Variants in DLG2 observed in about 807,000 individuals in gnomAD.
The protein encoded by DLG2 is disks large homolog 2.
A neutral mutation model predicts 132.5 loss-of-function variants in DLG2; 45 were observed. That is an observed-to-expected ratio of 0.34 (90% CI 0.27 to 0.44). The LOEUF (loss-of-function observed/expected upper bound fraction) is 0.44, where lower values mean the gene tolerates loss of function less well. Among genes scored for constraint, DLG2 ranks in the 20% least tolerant of loss-of-function variants. The pLI is 1.00. For missense variants in DLG2, 1,045 were observed against 1,196.9 expected (o/e 0.87, Z 1.87); for synonymous variants, 424 against 419.6 (o/e 1.01, Z -0.13).
chr11:84,313,564 G>GC, intron 7 of DLG2, among the ~76,000 whole-genome samples: 1 of 116,024 alleles, frequency 8.6e-6, no homozygotes, highest in African/African-American at 3.2e-5. Flanking sequence ...GAGGGAGGGA[G>GC]GAGAGAGAGA....
chr11:84,844,019 A>G (rs1263246482), intron 6 of DLG2, among the ~76,000 whole-genome samples: 1 of 148,694 alleles, frequency 6.7e-6, no homozygotes, highest in South Asian at 2.1e-4. Context: ...GTTCCCATAC[A>G]TATTTTTATG....
At chr11:84,936,418 T>G (rs2048751500) in intron 6 of DLG2, among the ~76,000 whole-genome samples, 1 of 152,142 alleles carries the variant, frequency 6.6e-6, no homozygotes, top group Admixed American at 6.5e-5. Flanking sequence ...AATATTTCAC[T>G]TATAAAAATT....
At chr11:84,756,985 C>T (rs1225824129) in intron 6 of DLG2, among the ~76,000 whole-genome samples, 1 of 152,158 alleles carries the variant, frequency 6.6e-6, no homozygotes, top group African/African-American at 2.4e-5. Flanking sequence ...AATCATAATT[C>T]CTGGTGTACA....
chr11:84,867,812 C>T (rs1290127761), intron 6 of DLG2, among the ~76,000 whole-genome samples: 1 of 152,078 alleles, frequency 6.6e-6, no homozygotes, highest in Non-Finnish European at 1.5e-5. Flanking sequence ...TGGTGGCTCA[C>T]GCCTGTAATC....
chr11:85,457,935 A>G (rs1364692664), intron 3 of DLG2, among the ~76,000 whole-genome samples: 2 of 152,238 alleles, frequency 1.3e-5, no homozygotes, highest in East Asian at 1.9e-4. Context: ...CTTATTTAGT[A>G]TCTTGCTGAA....
At chr11:84,502,056 CTTTTT>C (rs1013104178) in intron 7 of DLG2, among the ~76,000 whole-genome samples, 2 of 151,586 alleles carry the variant, frequency 1.3e-5, no homozygotes, top group Non-Finnish European at 1.5e-5. Flanking sequence ...CTTTTCTTTT[CTTTTT>C]TTCTTTTCTT....
chr11:85,492,055 T>C (rs981001854), intron 3 of DLG2, among the ~76,000 whole-genome samples: 3 of 152,062 alleles, frequency 2.0e-5, no homozygotes, highest in African/African-American at 4.8e-5. Flanking sequence ...CATAAATCAA[T>C]GGTAAGAATA....
intron 6 of DLG2, among the ~76,000 whole-genome samples, chr11:84,862,819 G>C: frequency 1.2e-5 from 1 of 82,786 alleles, no homozygotes; most frequent in South Asian, 4.6e-4. Context: ...GGTCCTGTCG[G>C]GGGGGGGGGG....
At chr11:84,269,989 G>C (rs188468913) in intron 7 of DLG2, among the ~76,000 whole-genome samples, 149 of 152,182 alleles carry the variant, frequency 9.8e-4, no homozygotes, top group Admixed American at 3.3e-3. Flanking sequence ...CACATAGTAG[G>C]GGCTCTAGAA....
At chr11:83,642,683 A>T (rs1174551464) in intron 18 of DLG2, among the ~76,000 whole-genome samples, 3 of 152,196 alleles carry the variant, frequency 2.0e-5, no homozygotes, top group African/African-American at 7.2e-5. Flanking sequence ...GTCAACACAG[A>T]AACTTCCTGA....
At chr11:84,227,290 TAC>T (rs2097014860) in intron 8 of DLG2, among the ~76,000 whole-genome samples, 1 of 151,700 alleles carries the variant, frequency 6.6e-6, no homozygotes, top group South Asian at 2.1e-4. Context: ...TGCAAAAGCA[TAC>T]AGGTAGAAAA....
At chr11:83,709,983 G>A (rs1312396722) in intron 18 of DLG2, among the ~76,000 whole-genome samples, 4 of 152,114 alleles carry the variant, frequency 2.6e-5, no homozygotes, top group African/African-American at 9.7e-5. Flanking sequence ...CACTGTTGTG[G>A]GTGAGCATTT....
intron 7 of DLG2, among the ~76,000 whole-genome samples, chr11:84,386,351 T>C (rs1464775409): frequency 6.6e-6 from 1 of 152,124 alleles, no homozygotes; most frequent in Non-Finnish European, 1.5e-5. Flanking sequence ...GTATGTTTGA[T>C]ATTTATAATA....
At chr11:83,683,142 AC>A (rs2079120705) in intron 18 of DLG2, among the ~76,000 whole-genome samples, 1 of 152,158 alleles carries the variant, frequency 6.6e-6, no homozygotes, top group Admixed American at 6.5e-5. Context: ...GGTCAGTTTA[AC>A]CTTTTTAGGT....
intron 21 of DLG2, among the ~76,000 whole-genome samples, chr11:83,518,474 G>A (rs1328592396): frequency 6.6e-6 from 1 of 152,160 alleles, no homozygotes; most frequent in African/African-American, 2.4e-5. Context: ...CTTCCCGGGT[G>A]AGGCAATGCC....
At chr11:84,265,378 C>T (rs2097606877) in intron 7 of DLG2, among the ~76,000 whole-genome samples, 1 of 152,106 alleles carries the variant, frequency 6.6e-6, no homozygotes, top group Admixed American at 6.6e-5. Context: ...TCTAATTTTA[C>T]ATTGGATGAA....
At chr11:84,857,731 C>A (rs1436556509) in intron 6 of DLG2, among the ~76,000 whole-genome samples, 2 of 152,030 alleles carry the variant, frequency 1.3e-5, no homozygotes, top group African/African-American at 2.4e-5. Context: ...TGATAAATTA[C>A]AGTCTAAGTT....
intron 6 of DLG2, among the ~76,000 whole-genome samples, chr11:84,713,506 AT>A (rs2060676813): frequency 6.6e-6 from 1 of 152,072 alleles, no homozygotes; most frequent in South Asian, 2.1e-4. Flanking sequence ...GAACACTTGG[AT>A]TTTTTGCATA....
intron 3 of DLG2, among the ~76,000 whole-genome samples, chr11:85,518,968 C>G (rs1258399373): frequency 6.6e-6 from 1 of 152,122 alleles, no homozygotes; most frequent in Non-Finnish European, 1.5e-5. Context: ...GCACAGAAGT[C>G]AAGAATTTAG....
Sources: allele counts gnomAD v4.1 joint callset (sites outside exome capture counted in the v4.1 genomes callset), GRCh38; gene constraint gnomAD v4.1.1; transcripts MANE v1.5; gene names NCBI Gene and HGNC (gene_info 2026-07-23, HGNC 2026-07-21).